The following ARHGAP42 variants were observed in gnomAD, a reference collection of about 807,000 sequenced individuals.
ARHGAP42 encodes rho GTPase-activating protein 42.
A neutral mutation model predicts 125.0 loss-of-function variants in ARHGAP42; 63 were observed. That is an observed-to-expected ratio of 0.50 (90% confidence interval 0.41 to 0.62). ARHGAP42 has a LOEUF of 0.62. ARHGAP42 is among the 20% of genes least tolerant of loss of function. The pLI, the probability that ARHGAP42 is intolerant of heterozygous loss-of-function variation, is 0.00. For missense variants in ARHGAP42, 766 were observed against 1,024.2 expected (o/e 0.75, Z 3.44); for synonymous variants, 339 against 351.0 (o/e 0.97, Z 0.38).
At chr11:100,959,784 C>T in intron 12 of ARHGAP42, 99 bp from the exon 13 acceptor site, 1 of 1,121,780 alleles carries the variant, frequency 8.9e-7, no homozygotes, top group Non-Finnish European at 1.3e-6. Flanking sequence ...GAAAAAACCT[C>T]TCTACTGTTG....
Position 100,779,557 on chromosome 11 carries a change from CATACGTATAT to C in ARHGAP42, c.250+9134_250+9143del, listed in dbSNP as rs1160628506. Among the ~76,000 whole-genome samples, 129 of 137,810 alleles carry C rather than the reference CATACGTATAT, an allele frequency of 9.4e-4. 4 individuals are homozygous for C. Among genetic ancestry groups the C allele is most frequent in the African/African-American group, 3.5e-3 (119 of 34,412 alleles). 90.4% of individuals were successfully genotyped at this position (137,810 alleles called of 152,430 possible). A position where few individuals can be genotyped will look rare whatever the true frequency, so the allele number is the denominator to read the frequency against. On this transcript the variant is annotated intron_variant, in intron 2 of 23. Transcript: ENST00000298815. ...ATATATACGTATATATATACATATA[CATACGTATAT>C]ATACGTATATATACATATATACGTG...
chr11:100,732,675 T>G (rs1018699718), intron 1 of ARHGAP42, among the ~76,000 whole-genome samples: 2 of 152,128 alleles, frequency 1.3e-5, no homozygotes, highest in Non-Finnish European at 2.9e-5. Context: ...CCCTCTGAGG[T>G]GGACACAGGC....
At chr11:100,887,684 C>T (rs539136645) in intron 4 of ARHGAP42, among the ~76,000 whole-genome samples, 95 of 152,328 alleles carry the variant, frequency 6.2e-4, no homozygotes, top group African/African-American at 2.1e-3. Flanking sequence ...CCTTTTAACT[C>T]CTGCCACTCA....
At chr11:100,898,492 G>A (rs1866425232) in intron 4 of ARHGAP42, among the ~76,000 whole-genome samples, 1 of 152,076 alleles carries the variant, frequency 6.6e-6, no homozygotes, top group Non-Finnish European at 1.5e-5. Flanking sequence ...TGGTTGGTAG[G>A]CTATTAATTA....
chr11:100,954,472 G>T (rs1350596327), intron 12 of ARHGAP42, among the ~76,000 whole-genome samples: 1 of 152,096 alleles, frequency 6.6e-6, no homozygotes, highest in Non-Finnish European at 1.5e-5. Context: ...ATTTCTGCTT[G>T]TGTGTTTAAG....
At chr11:100,951,739 C>A (rs1857655480) in intron 12 of ARHGAP42, among the ~76,000 whole-genome samples, 1 of 152,134 alleles carries the variant, frequency 6.6e-6, no homozygotes, top group Non-Finnish European at 1.5e-5. Context: ...TGTCAGCCAC[C>A]AGAAACATCA....
chr11:100,973,472 T>C, intron 18 of ARHGAP42, 138 bp downstream of exon 18: 1 of 879,680 alleles, frequency 1.1e-6, no homozygotes, highest in Non-Finnish European at 1.7e-6. Flanking sequence ...CCTTGTTGTT[T>C]TTAAGTGCTT....
At chr11:100,729,832 A>G (rs1348097432) in intron 1 of ARHGAP42, among the ~76,000 whole-genome samples, 1 of 142,126 alleles carries the variant, frequency 7.0e-6, no homozygotes, top group Non-Finnish European at 1.5e-5. Flanking sequence ...TTTTTTTGAG[A>G]CAGAGTTTTG....
chr11:100,867,223 GAC>G (rs1268202911), intron 4 of ARHGAP42, among the ~76,000 whole-genome samples: 1 of 152,228 alleles, frequency 6.6e-6, no homozygotes, highest in Non-Finnish European at 1.5e-5. Flanking sequence ...CCTAACAAGA[GAC>G]TCAACCTGTC....
rs367900224 is a variant in ARHGAP42, at chr11:100,979,049, G to A, written c.2456G>A (p.Arg819His). The A allele has an allele frequency of 9.0e-6, 14 of 1,551,300 alleles. No individual in the cohort carries two copies. Among genetic ancestry groups the A allele is most frequent in the Admixed American group, 2.0e-5 (1 of 50,956 alleles). Residue 819 changes from arginine (R) to histidine (H), a missense_variant and splice_region_variant, in exon 22 of 24, where the codon CGC becomes CAC. This residue lies in a region of ARHGAP42 where 308 missense variants were observed against 369.7 expected (regional missense o/e 0.83). Transcript: ENST00000298815. Reference sequence around the variant, plus strand: ...TCACCTAAACCAGTTTCTTCTGGGCGGTAAGTTCTCCAAACCCTTAAATGC... The same window carrying A: ...TCACCTAAACCAGTTTCTTCTGGGCAGTAAGTTCTCCAAACCCTTAAATGC... ...VGSPKPVSSGRQAKAMYSCKA... is the reference protein window; with the variant it reads ...VGSPKPVSSGHQAKAMYSCKA...
intron 12 of ARHGAP42, among the ~76,000 whole-genome samples, chr11:100,955,593 TGCTCTGGGCCAAGCA>T (rs1857782174): frequency 6.6e-6 from 1 of 152,130 alleles, no homozygotes; most frequent in African/African-American, 2.4e-5. Flanking sequence ...ATTGGCTGCC[TGCTCTGGGCCAAGCA>T]TTGAGCCCAA....
chr11:100,699,376 T>C (rs57637131), intron 1 of ARHGAP42, among the ~76,000 whole-genome samples: 32,734 of 150,188 alleles, frequency 0.22, 3,799 homozygotes, highest in Non-Finnish European at 0.25. Flanking sequence ...CAATTCTATA[T>C]CTAAAATATC....
At chr11:100,894,941 G>A (rs977893310) in intron 4 of ARHGAP42, among the ~76,000 whole-genome samples, 13 of 152,150 alleles carry the variant, frequency 8.5e-5, no homozygotes, top group African/African-American at 3.1e-4. Flanking sequence ...AACACCTGTG[G>A]CCATCCCTGT....
intron 4 of ARHGAP42, among the ~76,000 whole-genome samples, chr11:100,905,725 C>G (rs1029998279): frequency 1.3e-5 from 2 of 152,168 alleles, no homozygotes; most frequent in Non-Finnish European, 2.9e-5. Context: ...ACCTGTAATC[C>G]TACCACTTTG....
chr11:100,723,538 A>G (rs1304775261), intron 1 of ARHGAP42, among the ~76,000 whole-genome samples: 1 of 151,988 alleles, frequency 6.6e-6, no homozygotes, highest in African/African-American at 2.4e-5. Flanking sequence ...TTTATGGTGA[A>G]ATGTAAATGA....
At chr11:100,919,388 C>G (rs1867171752) in intron 5 of ARHGAP42, among the ~76,000 whole-genome samples, 1 of 151,992 alleles carries the variant, frequency 6.6e-6, no homozygotes, top group Non-Finnish European at 1.5e-5. Flanking sequence ...TCCCAGACAC[C>G]AGCCAAGGGC....
At chr11:100,804,822 A>G (rs1408183685) in intron 3 of ARHGAP42, among the ~76,000 whole-genome samples, 1 of 152,172 alleles carries the variant, frequency 6.6e-6, no homozygotes, top group African/African-American at 2.4e-5. Context: ...TAGATATTTA[A>G]GAAAGAAAAA....
chr11:100,712,767 CT>C (rs1253769504), intron 1 of ARHGAP42, among the ~76,000 whole-genome samples: 4 of 152,292 alleles, frequency 2.6e-5, no homozygotes, highest in African/African-American at 9.6e-5. Context: ...TAGATACAGT[CT>C]TTTTAAAGTC....
chr11:100,813,839 T>A (rs535964270), intron 3 of ARHGAP42, among the ~76,000 whole-genome samples: 1 of 152,302 alleles, frequency 6.6e-6, no homozygotes, highest in Non-Finnish European at 1.5e-5. Context: ...CACCAACCCT[T>A]TTTAATAAGA....
Sources: allele counts gnomAD v4.1 joint callset (sites outside exome capture counted in the v4.1 genomes callset), GRCh38; gene constraint gnomAD v4.1.1; regional missense constraint gnomAD v4.1.1; transcripts MANE v1.5; gene names NCBI Gene and HGNC (gene_info 2026-07-23, HGNC 2026-07-21).